Variants in PLXDC2 observed in about 807,000 individuals in gnomAD.
The protein encoded by PLXDC2 is plexin domain containing 2, also known as plexin domain-containing protein 2.
In PLXDC2, 40 loss-of-function variants were observed where a neutral mutation model predicts 68.9. The observed-to-expected ratio is 0.58, with a 90% CI of 0.45 to 0.76. The LOEUF (loss-of-function observed/expected upper bound fraction) is 0.76, where lower values mean the gene tolerates loss of function less well. PLXDC2 is among the 30% of genes least tolerant of loss of function. The probability of loss-of-function intolerance (pLI) is 0.00; values close to 1 mark genes in which losing one functional copy is unlikely to be tolerated. For synonymous variants in PLXDC2, 243 were observed against 234.2 expected, an observed-to-expected ratio of 1.04 and a Z score of -0.34; for missense variants, 644 against 661.9, an observed-to-expected ratio of 0.97 and a Z score of 0.30.
intron 6 of PLXDC2, among the ~76,000 whole-genome samples, chr10:20,150,960 A>G (rs532849405): frequency 1.3e-5 from 2 of 152,172 alleles, no homozygotes; most frequent in Non-Finnish European, 2.9e-5. Context: ...TTTTCTTGAT[A>G]TTCCCAGGCT....
In PLXDC2 at chr10:20,164,448, C is replaced by A; in HGVS notation, c.784-20C>A. On this transcript the variant is annotated intron_variant, in intron 6 of 13. Coordinates refer to ENST00000377252, the MANE Select transcript of PLXDC2 (RefSeq NM_032812.9). ...GAAATTCAGATCTAACATATAGTTA[C>A]CTGCTTTGTTTTTTTCCAGATTCCT... is the stretch of plus-strand genomic sequence containing the variant. 2.5e-6 allele frequency: 4 copies of A among 1,575,584 alleles called. No homozygotes were observed. Among genetic ancestry groups the A allele is most frequent in the Non-Finnish European group, 3.5e-6 (4 of 1,145,370 alleles).
At chr10:19,854,318 C>A (rs1837175001) in intron 1 of PLXDC2, among the ~76,000 whole-genome samples, 1 of 152,176 alleles carries the variant, frequency 6.6e-6, no homozygotes, top group African/African-American at 2.4e-5. Flanking sequence ...CCACAACAAC[C>A]AGACTAGCCT....
At chr10:20,087,711 G>T (rs895336962) in intron 4 of PLXDC2, among the ~76,000 whole-genome samples, 8 of 152,168 alleles carry the variant, frequency 5.3e-5, no homozygotes, top group Admixed American at 3.3e-4. Flanking sequence ...TAATGAAGTA[G>T]TTAATTTAAA....
chr10:19,974,768 A>C (rs1834419950), intron 1 of PLXDC2, among the ~76,000 whole-genome samples: 2 of 152,206 alleles, frequency 1.3e-5, no homozygotes, highest in Admixed American at 6.5e-5. Flanking sequence ...AATAGATTTC[A>C]GTTAAATAAA....
intron 10 of PLXDC2, among the ~76,000 whole-genome samples, chr10:20,214,654 C>T (rs1260746198): frequency 1.3e-5 from 2 of 152,064 alleles, no homozygotes; most frequent in Non-Finnish European, 2.9e-5. Context: ...TTACCTCCTG[C>T]AAATCCTAAG....
At chr10:19,838,264 A>T (rs1315253912) in intron 1 of PLXDC2, among the ~76,000 whole-genome samples, 1 of 152,198 alleles carries the variant, frequency 6.6e-6, no homozygotes, top group African/African-American at 2.4e-5. Flanking sequence ...TGCCCGGCTA[A>T]TATATAACTT....
chr10:20,047,240 A>G (rs1344413231), intron 3 of PLXDC2, among the ~76,000 whole-genome samples: 1 of 152,198 alleles, frequency 6.6e-6, no homozygotes, highest in Non-Finnish European at 1.5e-5. Flanking sequence ...ATAAACTGCC[A>G]TTAATTGAAC....
At chr10:19,842,656 G>C (rs926641709) in intron 1 of PLXDC2, among the ~76,000 whole-genome samples, 33 of 152,130 alleles carry the variant, frequency 2.2e-4, no homozygotes, top group Non-Finnish European at 3.2e-4. Context: ...CAAAACCTAA[G>C]CCAGTAAGAA....
chr10:19,928,705 C>T (rs900099862), intron 1 of PLXDC2, among the ~76,000 whole-genome samples: 1 of 145,594 alleles, frequency 6.9e-6, no homozygotes, highest in Non-Finnish European at 1.5e-5. Context: ...GAGATCTTGT[C>T]TGTGCTAGAT....
chr10:20,033,611 C>G (rs12573739), intron 2 of PLXDC2, among the ~76,000 whole-genome samples: 29,706 of 152,030 alleles, frequency 0.2, 4,154 homozygotes, highest in East Asian at 0.6. Flanking sequence ...TGGTGGCAGG[C>G]AAGAGAGAGA....
chr10:20,124,536 C>T (rs2461927), intron 4 of PLXDC2, among the ~76,000 whole-genome samples: 1 of 152,172 alleles, frequency 6.6e-6, no homozygotes, highest in African/African-American at 2.4e-5. Context: ...ACCAAATTTC[C>T]TGCGTGTCTG....
chr10:20,138,036 A>AT (rs1833956434), intron 4 of PLXDC2, among the ~76,000 whole-genome samples: 1 of 152,144 alleles, frequency 6.6e-6, no homozygotes, highest in African/African-American at 2.4e-5. Flanking sequence ...ATAAATAATT[A>AT]TCTTATCTGT....
chr10:19,830,233 A>C (rs1751410897), intron 1 of PLXDC2, among the ~76,000 whole-genome samples: 1 of 152,244 alleles, frequency 6.6e-6, no homozygotes, highest in South Asian at 2.1e-4. Flanking sequence ...TTTCAGATAC[A>C]GATCACTTGG....
rs561244683 is a variant in PLXDC2, at chr10:20,175,029, A to G, written c.884-1970A>G. 3.3e-5 allele frequency among the ~76,000 whole-genome samples: 5 copies of G among 152,216 alleles called. No homozygotes were observed. The East Asian group carries it at 9.7e-4, about 30-fold the overall frequency. ...AACTTTCTCTAAGTGAGGAATGGAG[A>G]AAAATTACTAGAAGTTTGATTCCAG... is the stretch of plus-strand genomic sequence containing the variant. On this transcript the variant is annotated intron_variant, in intron 7 of 13. Coordinates refer to ENST00000377252, the MANE Select transcript of PLXDC2 (RefSeq NM_032812.9).
chr10:19,959,517 A>G (rs964654676), intron 1 of PLXDC2, among the ~76,000 whole-genome samples: 3 of 152,210 alleles, frequency 2.0e-5, no homozygotes, highest in Non-Finnish European at 1.5e-5. Context: ...TATTAAATGT[A>G]TGCTGACTGT....
chr10:20,086,544 A>T (rs530142077), intron 4 of PLXDC2, among the ~76,000 whole-genome samples: 1 of 151,778 alleles, frequency 6.6e-6, no homozygotes, highest in East Asian at 1.9e-4. Flanking sequence ...TCTTTTTGAC[A>T]TTTTCCTAAA....
chr10:20,073,000 C>A (rs6482086), intron 4 of PLXDC2, among the ~76,000 whole-genome samples: 51,410 of 151,962 alleles, frequency 0.34, 12,347 homozygotes, highest in African/African-American at 0.66. Context: ...AAGGCTTGGA[C>A]GGAAAATGGA....
chr10:20,261,182 C>T (rs1214572597), intron 13 of PLXDC2, among the ~76,000 whole-genome samples: 15 of 152,218 alleles, frequency 9.9e-5, no homozygotes, highest in Admixed American at 6.5e-4. Context: ...TGTATAGAAG[C>T]GTTACAGTTT....
intron 5 of PLXDC2, among the ~76,000 whole-genome samples, chr10:20,145,789 G>C (rs1178974177): frequency 1.3e-5 from 2 of 151,972 alleles, no homozygotes; most frequent in Admixed American, 6.6e-5. Flanking sequence ...TCCTGACCTC[G>C]TGATCCGCCT....
Sources: gnomAD v4.1 joint callset for allele counts (sites outside exome capture counted in the v4.1 genomes callset) on GRCh38, gnomAD v4.1.1 for gene constraint, MANE v1.5 for transcripts, NCBI Gene and HGNC (gene_info 2026-07-23, HGNC 2026-07-21) for gene names.